CHD2: variants seen among roughly 807,000 people sequenced by gnomAD.
CHD2 encodes the protein ATP-dependent chromatin remodeler CHD2.
In CHD2, 28 loss-of-function variants were observed where a neutral mutation model predicts 243.9. The observed-to-expected ratio is 0.11, with a 90% confidence interval of 0.09 to 0.16. The LOEUF is 0.16. Among genes scored for constraint, CHD2 ranks in the 10% least tolerant of loss-of-function variants. CHD2 has a pLI of 1.00. For missense variants in CHD2, 1,386 were observed against 2,209.8 expected, an observed-to-expected ratio of 0.63 and a Z score of 7.47; for synonymous variants, 775 against 779.0, an observed-to-expected ratio of 0.99 and a Z score of 0.09.
At position 92,927,227 on chromosome 15, in the gene CHD2, G is replaced by A. The variant is rs757490818; in HGVS notation, c.295-17G>A. The A allele has an allele frequency of 3.2e-6, 5 of 1,571,734 alleles. No homozygotes were observed. The South Asian group carries it at 3.4e-5, about 11-fold the overall frequency. ...GGTCAAGAAAAAAGATTAATGCGTG[G>A]TCTCTTAATTTTACAGATGTGGGAA... On this transcript the variant is annotated splice_polypyrimidine_tract_variant and intron_variant, in intron 3 of 38. Transcript: ENST00000394196.
intron 2 of CHD2, among the ~76,000 whole-genome samples, chr15:92,904,170 T>G (rs974014940): frequency 1.3e-5 from 2 of 152,230 alleles, no homozygotes; most frequent in Admixed American, 6.5e-5. Context: ...CCCTGGCATC[T>G]TGATGCAGGT....
intron 4 of CHD2, among the ~76,000 whole-genome samples, chr15:92,927,805 G>C (rs1249298069): frequency 6.6e-6 from 1 of 152,082 alleles, no homozygotes; most frequent in Non-Finnish European, 1.5e-5. Flanking sequence ...TGGTTTCCTT[G>C]CTCATTTTTA....
At chr15:92,977,731 A>G (rs1175887947) in intron 20 of CHD2, among the ~76,000 whole-genome samples, 3 of 152,176 alleles carry the variant, frequency 2.0e-5, no homozygotes, top group African/African-American at 7.2e-5. Flanking sequence ...TGTGGTTCTC[A>G]ACACTTACCA....
rs2141843184 is a variant in CHD2 at position 92,978,270 on chromosome 15, C to T, written c.2614C>T (p.Leu872=). Residue 872 remains leucine, a synonymous_variant, in exon 21 of 39, where the codon CTG becomes TTG. Coordinates refer to ENST00000394196, the MANE Select transcript of CHD2 (RefSeq NM_001271.4). ...CFLLSTRAGG[L]GINLASADTV... is the part of the protein sequence containing the mutation. ...CCTGCTCTCGACAAGGGCTGGTGGC[C>T]TGGGAATCAATTTGGCTTCAGCGGA... 1 of 1,614,166 alleles carries T rather than the reference C, an allele frequency of 6.2e-7. No individual in the cohort carries two copies. The highest frequency in any genetic ancestry group is 1.7e-5 in the Admixed American group (1 of 60,024).
chr15:92,920,528 A>G (rs748050762), intron 2 of CHD2, among the ~76,000 whole-genome samples: 5 of 152,198 alleles, frequency 3.3e-5, no homozygotes, highest in Non-Finnish European at 7.4e-5. Context: ...CCACTTTTCA[A>G]CACAGAACAC....
At chr15:93,008,643 G>A (rs761241985) in intron 34 of CHD2, among the ~76,000 whole-genome samples, 1 of 152,134 alleles carries the variant, frequency 6.6e-6, no homozygotes, top group Non-Finnish European at 1.5e-5. Context: ...CTCTTTTAAG[G>A]ACAGTCCCTT....
chr15:93,010,660 G>C (rs1289282158), intron 35 of CHD2, among the ~76,000 whole-genome samples: 1 of 152,156 alleles, frequency 6.6e-6, no homozygotes, highest in Non-Finnish European at 1.5e-5. Flanking sequence ...CTGACCTTAG[G>C]TGATCCGCCC....
At chr15:92,985,040 C>G (rs1161635470) in intron 25 of CHD2, among the ~76,000 whole-genome samples, 1 of 152,150 alleles carries the variant, frequency 6.6e-6, no homozygotes, top group East Asian at 1.9e-4. Flanking sequence ...CAGATTTGTT[C>G]AAGGTCACAG....
At chr15:92,944,006 A>G (rs901251845) in intron 9 of CHD2, 1 of 152,446 alleles carries the variant, frequency 6.6e-6, no homozygotes, top group Non-Finnish European at 1.5e-5. Flanking sequence ...TTTTGGTAAT[A>G]AGAATAACTA....
rs1019165793 is a variant in CHD2 at position 92,902,378 on chromosome 15, A to G, written c.62+1079A>G. ...TGTGTTCTTTATGCATTTTCATATTATAAATTTTAAATCATGCAGTTTAAC... is the reference window on the plus strand; with the variant it reads ...TGTGTTCTTTATGCATTTTCATATTGTAAATTTTAAATCATGCAGTTTAAC... On this transcript the variant is annotated intron_variant, in intron 2 of 38. Coordinates refer to ENST00000394196, the MANE Select transcript of CHD2 (RefSeq NM_001271.4). 9 of 386,738 alleles carry G rather than the reference A, an allele frequency of 2.3e-5. No homozygotes were observed. In the Admixed American group the frequency reaches 2.7e-4, roughly 11 times the overall value. The allele number at this position is 386,738 out of a possible 1,614,324, so 24.0% of individuals were successfully genotyped here. A position where few individuals can be genotyped will look rare whatever the true frequency, so the allele number is the denominator to read the frequency against.
intron 2 of CHD2, among the ~76,000 whole-genome samples, chr15:92,921,926 T>A (rs1317676521): frequency 6.6e-6 from 1 of 152,182 alleles, no homozygotes; most frequent in Non-Finnish European, 1.5e-5. Flanking sequence ...TTTTCTTTCC[T>A]GTTGACAACC....
intron 22 of CHD2, 151 bp downstream of exon 22, chr15:92,979,434 G>GA (rs1229913806): frequency 2.0e-6 from 2 of 983,144 alleles, no homozygotes; most frequent in East Asian, 5.3e-5. Context: ...TTTTCACTTT[G>GA]AGTTTCTTGG....
At chr15:92,917,025 G>T (rs17525144) in intron 2 of CHD2, among the ~76,000 whole-genome samples, 3 of 152,028 alleles carry the variant, frequency 2.0e-5, no homozygotes, top group Non-Finnish European at 2.9e-5. Flanking sequence ...TTTCTTCTCC[G>T]TAATTGCGTA....
Position 92,991,532 on chromosome 15 carries a change from A to G in CHD2, c.3455+15A>G, listed in dbSNP as rs550516459. 4.0e-5 allele frequency: 64 copies of G among 1,584,226 alleles called. No individual in the cohort carries two copies. The highest frequency in any genetic ancestry group is 5.1e-5 in the Non-Finnish European group (59 of 1,163,058). ...CCTCTTGAACGGTAAGTTCAGTGTA[A>G]TAGTCCCTTATCTTCCTCTTTTTTG... On this transcript the variant is annotated intron_variant, in intron 27 of 38. Transcript: ENST00000394196.
Position 92,984,460 on chromosome 15 carries a change from A to C in CHD2, c.3197A>C (p.Glu1066Ala). ...GAAGAGCGGCAGAAGGAGCTAGAAG[A>C]AATTTATATGCTGCCTCGAATTCGG... Reference protein sequence around the residue: ...EEEERQKELEEIYMLPRIRSS... With the variant: ...EEEERQKELEAIYMLPRIRSS... Residue 1066 changes from glutamate (E) to alanine (A), a missense_variant, in exon 25 of 39, where the codon GAA becomes GCA. This residue lies in a region of CHD2 where 99 missense variants were observed against 206.4 expected (regional missense o/e 0.48). Coordinates refer to ENST00000394196, the MANE Select transcript of CHD2 (RefSeq NM_001271.4). 4 of 1,612,352 alleles carry C rather than the reference A, an allele frequency of 2.5e-6. No individual in the cohort carries two copies. Among genetic ancestry groups the C allele is most frequent in the Non-Finnish European group, 3.4e-6 (4 of 1,179,158 alleles).
chr15:93,015,071 C>A (rs980343371), intron 37 of CHD2, among the ~76,000 whole-genome samples, 162 bp downstream of exon 37: 9 of 151,996 alleles, frequency 5.9e-5, no homozygotes, highest in Non-Finnish European at 1.3e-4. Context: ...AAATAAAGAT[C>A]CCCCAATTTT....
intron 20 of CHD2, among the ~76,000 whole-genome samples, chr15:92,976,187 AG>A (rs893989897): frequency 2.0e-5 from 3 of 151,902 alleles, no homozygotes; most frequent in African/African-American, 7.2e-5. Flanking sequence ...GCCCTGTCTC[AG>A]GGGAAAAAAA....
intron 23 of CHD2, 44 bp from the exon 24 acceptor site, chr15:92,981,321 C>A: frequency 7.1e-7 from 1 of 1,406,176 alleles, no homozygotes; most frequent in Non-Finnish European, 1.0e-6. Flanking sequence ...GGCAACTCAT[C>A]TGTTGCCATT....
intron 7 of CHD2, 39 bp from the exon 8 acceptor site, chr15:92,941,783 A>G (rs1287043473): frequency 6.2e-7 from 1 of 1,601,752 alleles, no homozygotes; most frequent in Non-Finnish European, 8.5e-7. Context: ...AATTCTGAAG[A>G]GATCATTTCT....
Sources: gnomAD v4.1 joint callset for allele counts (sites outside exome capture counted in the v4.1 genomes callset) on GRCh38, gnomAD v4.1.1 for gene constraint, gnomAD v4.1.1 regional missense constraint, MANE v1.5 for transcripts, NCBI Gene and HGNC (gene_info 2026-07-23, HGNC 2026-07-21) for gene names.